The following NTM variants were observed in gnomAD, a reference collection of about 807,000 sequenced individuals.
The protein encoded by NTM is neurotrimin, also known as IgLON family member 2.
Under a neutral mutation model 42.1 loss-of-function variants are expected in NTM, and 13 were observed. The ratio of observed to expected loss-of-function variants is 0.31; its 90% confidence interval spans 0.20 to 0.49. NTM has a LOEUF of 0.49. Ranked by LOEUF, NTM falls within the 20% of genes least tolerant of loss-of-function variation. The pLI is 0.99. For missense variants in NTM, 373 were observed against 452.8 expected (o/e 0.82, Z 1.60); for synonymous variants, 187 against 179.2 (o/e 1.04, Z -0.35).
intron 3 of NTM, among the ~76,000 whole-genome samples, chr11:132,195,589 G>C (rs753568132): frequency 2.0e-5 from 3 of 152,004 alleles, no homozygotes; most frequent in Non-Finnish European, 4.4e-5. Flanking sequence ...AAACAGCATG[G>C]TGATGTTACA....
intron 4 of NTM, among the ~76,000 whole-genome samples, chr11:132,298,912 G>A (rs895915): frequency 0.18 from 28,017 of 151,582 alleles, 3,045 homozygotes; most frequent in Middle Eastern, 0.29. Flanking sequence ...ACACACACAC[G>A]AAATTTATAG....
At position 131,661,109 on chromosome 11, in the gene NTM, A is replaced by G. The variant is rs1245977609; in HGVS notation, c.83-250455A>G. ...ACTGGTGGGGGGGTCTTCCCCCTAG[A>G]TTCGGTGGAGATTCCTTTCCTCAGG... On this transcript the variant is annotated intron_variant, in intron 1 of 8. Coordinates refer to ENST00000683400, the MANE Select transcript of NTM (RefSeq NM_001352005.2). The G allele has an allele frequency of 4.3e-6, 5 of 1,171,642 alleles. No individual in the cohort carries two copies. In the East Asian group the frequency reaches 2.9e-4, roughly 68 times the overall value. 72.6% of individuals were successfully genotyped at this position (1,171,642 alleles called of 1,614,324 possible). A position where few individuals can be genotyped will look rare whatever the true frequency, so the allele number is the denominator to read the frequency against.
intron 1 of NTM, among the ~76,000 whole-genome samples, chr11:131,562,172 G>C (rs1007503363): frequency 6.6e-6 from 1 of 152,028 alleles, no homozygotes; most frequent in Non-Finnish European, 1.5e-5. Flanking sequence ...CCTGGGGACC[G>C]ACAGCCCTGT....
intron 1 of NTM, among the ~76,000 whole-genome samples, chr11:131,838,177 A>G (rs2043756627): frequency 6.6e-6 from 1 of 152,090 alleles, no homozygotes; most frequent in Non-Finnish European, 1.5e-5. Flanking sequence ...TTCCAGCATC[A>G]CGGATGCAGG....
chr11:131,960,052 A>G (rs1429505451), intron 2 of NTM, among the ~76,000 whole-genome samples: 1 of 152,254 alleles, frequency 6.6e-6, no homozygotes, highest in African/African-American at 2.4e-5. Context: ...AGTGCATTGA[A>G]GCTGATTTGA....
intron 1 of NTM, among the ~76,000 whole-genome samples, chr11:131,890,180 C>CTCTG (rs2051090498): frequency 2.0e-5 from 3 of 149,422 alleles, no homozygotes; most frequent in African/African-American, 7.5e-5. Context: ...CTCTCTCTGT[C>CTCTG]TCTCTCTCTC....
intron 1 of NTM, among the ~76,000 whole-genome samples, chr11:131,839,064 G>A (rs994430819): frequency 1.3e-5 from 2 of 151,506 alleles, no homozygotes; most frequent in African/African-American, 4.9e-5. Flanking sequence ...GGGTTCATGC[G>A]ATTCTCCTGC....
intron 1 of NTM, among the ~76,000 whole-genome samples, chr11:131,418,724 A>G (rs1451590272): frequency 6.6e-6 from 1 of 152,192 alleles, no homozygotes; most frequent in Non-Finnish European, 1.5e-5. Flanking sequence ...AGGAGAGATA[A>G]AACCAAAATC....
At chr11:131,671,374 A>G (rs1297219430) in intron 1 of NTM, 3 of 954,774 alleles carry the variant, frequency 3.1e-6, no homozygotes, top group East Asian at 1.2e-4. Context: ...AAGGCCAGGG[A>G]CACCTGTCTC....
chr11:132,236,470 G>T (rs1051151132), intron 4 of NTM, among the ~76,000 whole-genome samples: 3 of 152,066 alleles, frequency 2.0e-5, no homozygotes, highest in African/African-American at 7.2e-5. Context: ...TTGTAACTTG[G>T]GAGGAATATA....
intron 2 of NTM, among the ~76,000 whole-genome samples, chr11:132,044,086 G>A (rs199931928): frequency 1.4e-4 from 20 of 145,040 alleles, no homozygotes; most frequent in Admixed American, 3.4e-4. Flanking sequence ...GTGTTTGTGT[G>A]TATGTGTGTA....
At chr11:132,006,687 A>G (rs924988153) in intron 2 of NTM, among the ~76,000 whole-genome samples, 1 of 152,230 alleles carries the variant, frequency 6.6e-6, no homozygotes, top group Non-Finnish European at 1.5e-5. Context: ...GGCTGGTGTA[A>G]TCAGGGATAT....
chr11:131,702,984 G>A (rs1448605876), intron 1 of NTM, among the ~76,000 whole-genome samples: 1 of 152,120 alleles, frequency 6.6e-6, no homozygotes, highest in African/African-American at 2.4e-5. Flanking sequence ...AATCAGTTAG[G>A]GGAGAAGAGG....
At chr11:131,870,365 T>C (rs2137069928) in intron 1 of NTM, among the ~76,000 whole-genome samples, 1 of 152,302 alleles carries the variant, frequency 6.6e-6, no homozygotes, top group Non-Finnish European at 1.5e-5. Context: ...TAACTGAAGT[T>C]GTATGTGTGC....
intron 2 of NTM, among the ~76,000 whole-genome samples, chr11:132,125,696 GT>G (rs2065649829): frequency 0.01 from 1 of 100 alleles, no homozygotes; most frequent in Non-Finnish European, 0.018. Context: ...GGTATGTGGT[GT>G]GAGTGTGGTG....
chr11:132,138,851 C>G (rs563888914), intron 2 of NTM, among the ~76,000 whole-genome samples: 3 of 152,128 alleles, frequency 2.0e-5, no homozygotes, highest in African/African-American at 7.2e-5. Context: ...ATTTATGAAG[C>G]CTGCTGATCA....
intron 7 of NTM, 105 bp downstream of exon 7, chr11:132,314,808 C>A: frequency 1.4e-6 from 2 of 1,408,278 alleles, no homozygotes; most frequent in Non-Finnish European, 9.2e-7. Flanking sequence ...AGCAGGGTAT[C>A]AGTGGACATG....
At chr11:132,209,487 A>G (rs1566477338) in intron 3 of NTM, among the ~76,000 whole-genome samples, 1 of 152,232 alleles carries the variant, frequency 6.6e-6, no homozygotes, top group African/African-American at 2.4e-5. Context: ...TCTAAAAATG[A>G]TTAACTGTTG....
intron 1 of NTM, among the ~76,000 whole-genome samples, chr11:131,483,763 C>T (rs574455807): frequency 1.3e-5 from 2 of 152,320 alleles, no homozygotes; most frequent in East Asian, 3.9e-4. Flanking sequence ...TCTGCCCCTG[C>T]CTAGGCTCTT....
Sources: gnomAD v4.1 joint callset for allele counts (sites outside exome capture counted in the v4.1 genomes callset) on GRCh38, gnomAD v4.1.1 for gene constraint, MANE v1.5 for transcripts, NCBI Gene and HGNC (gene_info 2026-07-23, HGNC 2026-07-21) for gene names.